CYB561: variants seen among roughly 807,000 people sequenced by gnomAD.
CYB561 encodes transmembrane ascorbate-dependent reductase CYB561.
CYB561 carries 11 observed loss-of-function variants against 25.3 expected under a neutral mutation model. That is an observed-to-expected ratio of 0.44 (90% CI 0.27 to 0.72). CYB561 has a LOEUF of 0.72. Ranked by LOEUF, CYB561 falls within the 30% of genes least tolerant of loss-of-function variation. The pLI, the probability that CYB561 is intolerant of heterozygous loss-of-function variation, is 0.18. For synonymous variants in CYB561, 165 were observed against 158.8 expected (o/e 1.04, Z -0.29); for missense variants, 295 against 334.9 (o/e 0.88, Z 0.93).
rs964620082 is a variant in CYB561 at position 63,433,255 on chromosome 17, T to A, written c.*1147A>T. 1 of 397,312 alleles carries A rather than the reference T, an allele frequency of 2.5e-6. No homozygotes were observed. The highest frequency in any genetic ancestry group is 4.4e-6 in the Non-Finnish European group (1 of 225,326). 24.6% of individuals were successfully genotyped at this position (397,312 alleles called of 1,614,324 possible). On this transcript the variant is annotated 3_prime_UTR_variant, in exon 6 of 6. Transcript: ENST00000360793. Reference sequence around the variant, plus strand: ...TCACTGTGTTTGTTAGTCAGGATGGTCTTGATCTCCTGGCCTCGCACACGA... The same window carrying A: ...TCACTGTGTTTGTTAGTCAGGATGGACTTGATCTCCTGGCCTCGCACACGA...
intron 1 of CYB561, chr17:63,440,342 C>T (rs887731419): frequency 2.5e-6 from 1 of 398,612 alleles, no homozygotes. Flanking sequence ...CAGAAGGCTG[C>T]CCAGGCCGCC....
Position 63,434,329 on chromosome 17 carries a change from T to C in CYB561, c.*73A>G. 1 of 1,366,004 alleles carries C rather than the reference T, an allele frequency of 7.3e-7. No individual in the cohort carries two copies. Among genetic ancestry groups the C allele is most frequent in the Non-Finnish European group, 9.8e-7 (1 of 1,018,496 alleles). The allele number at this position is 1,366,004 out of a possible 1,614,324, so 84.6% of individuals were successfully genotyped here. ...GCTGCCAGAGCCACTCTCCGGAGCCTGCAGTCCTGAAGACGCCTCAGCAGG... is the reference window on the plus strand; with the variant it reads ...GCTGCCAGAGCCACTCTCCGGAGCCCGCAGTCCTGAAGACGCCTCAGCAGG... On this transcript the variant is annotated 3_prime_UTR_variant, in exon 6 of 6. Coordinates refer to ENST00000360793, the MANE Select transcript of CYB561 (RefSeq NM_001915.4).
chr17:63,444,405 G>A (rs2049403940), intron 1 of CYB561, among the ~76,000 whole-genome samples: 1 of 152,210 alleles, frequency 6.6e-6, no homozygotes, highest in South Asian at 2.1e-4. Context: ...CTACCTTATT[G>A]AACACAGAAG....
upstream of CYB561, chr17:63,446,403 C>T (rs979556504): frequency 2.0e-5 from 3 of 151,918 alleles, no homozygotes; most frequent in Non-Finnish European, 4.4e-5. Flanking sequence ...CCGGGGCTGC[C>T]CCGCACGTGC....
Position 63,434,226 on chromosome 17 carries a change from A to G in CYB561, c.*176T>C, listed in dbSNP as rs1044556777. On this transcript the variant is annotated 3_prime_UTR_variant, in exon 6 of 6. Coordinates refer to ENST00000360793, the MANE Select transcript of CYB561 (RefSeq NM_001915.4). ...TGAACTGGTCTATAGCAGCGGAGAA[A>G]GGAGAAGCAGAGGAGGCGGAGACCT... is the stretch of plus-strand genomic sequence containing the variant. 5.0e-6 allele frequency: 3 copies of G among 604,096 alleles called. No individual in the cohort carries two copies. The highest frequency in any genetic ancestry group is 5.8e-6 in the Non-Finnish European group (2 of 343,236). 37.4% of individuals were successfully genotyped at this position (604,096 alleles called of 1,614,324 possible).
In CYB561 at chr17:63,434,569, C is replaced by A; in HGVS notation, c.589G>T (p.Glu197Ter). Reference protein sequence around the residue: ...LGGKYSAFEPEGVLANVLGLL... With the variant: ...LGGKYSAFEP ...CCCAGCACGTTGGCCAGGACACCCT[C>A]GGGCTCAAATGCGCTATACTTGCCC... The change falls in exon 6 of 6, where the codon GAG (glutamate) becomes TAG (stop). Residue 197 changes from glutamate (E) to a stop codon, truncating the protein, a stop_gained. Coordinates refer to ENST00000360793, the MANE Select transcript of CYB561 (RefSeq NM_001915.4). LOFTEE classifies it high-confidence loss of function. 1 of 1,611,788 alleles carries A rather than the reference C, an allele frequency of 6.2e-7. No homozygotes were observed. Among genetic ancestry groups the A allele is most frequent in the Non-Finnish European group, 8.5e-7 (1 of 1,179,936 alleles).
At chr17:63,438,511 G>A (rs1014397837) in intron 1 of CYB561, among the ~76,000 whole-genome samples, 2 of 148,954 alleles carry the variant, frequency 1.3e-5, no homozygotes, top group Non-Finnish European at 3.0e-5. Flanking sequence ...GAGTAGAAGT[G>A]CCCCGACCAT....
At chr17:63,446,366 C>A (rs573940068), upstream of CYB561, 104 of 152,004 alleles carry the variant, frequency 6.8e-4, no homozygotes, top group African/African-American at 2.4e-3. Context: ...GCGGTGTCTC[C>A]GGGACCGGAA....
At position 63,441,588 on chromosome 17, in the gene CYB561, G is replaced by T. The variant is rs2049375938; in HGVS notation, c.-13-4028C>A. Among the ~76,000 whole-genome samples, 3 of 152,198 alleles carry T rather than the reference G, an allele frequency of 2.0e-5. No individual in the cohort carries two copies. The South Asian group carries it at 6.2e-4, about 31-fold the overall frequency. On this transcript the variant is annotated intron_variant, in intron 1 of 5. Transcript: ENST00000360793. ...CAAGTTCAAGCCAGGAGCTAATCTG[G>T]GCCTCCAAGACCCGTCCCAGCATGC...
At position 63,436,171 on chromosome 17, in the gene CYB561, G is replaced by A. The variant is rs915745574; in HGVS notation, c.203-19C>T. 5.6e-6 allele frequency: 9 copies of A among 1,612,364 alleles called. No individual in the cohort carries two copies. The highest frequency in any genetic ancestry group is 6.8e-6 in the Non-Finnish European group (8 of 1,178,734). ...AGCAGGGCTGTGGGAGGTGAGAGAG[G>A]GAACGTGAGTGCATCCGCCTGTGCG... On this transcript the variant is annotated intron_variant, in intron 2 of 5. Coordinates refer to ENST00000360793, the MANE Select transcript of CYB561 (RefSeq NM_001915.4). This position sits in a 1 kb window ranked among gnomAD's most constrained non-coding sequence, Gnocchi z 4.8.
At chr17:63,438,248 G>A in intron 1 of CYB561, 1 of 1,534,666 alleles carries the variant, frequency 6.5e-7, no homozygotes, top group South Asian at 1.2e-5. Flanking sequence ...GCCTTCCCTG[G>A]GTGGGCTTTA....
intron 1 of CYB561, chr17:63,439,111 C>A (rs2049348796): frequency 6.6e-6 from 1 of 152,370 alleles, no homozygotes; most frequent in Non-Finnish European, 1.5e-5. Context: ...CCCCTTCACA[C>A]CCGGCACACG....
At chr17:63,445,534 G>C (rs561746228) in intron 1 of CYB561, among the ~76,000 whole-genome samples, 101 of 150,306 alleles carry the variant, frequency 6.7e-4, no homozygotes, top group African/African-American at 2.4e-3. Context: ...TCTGGGAAGG[G>C]GACCCCAGAT....
At position 63,437,393 on chromosome 17, in the gene CYB561, G is replaced by A; in HGVS notation, c.155C>T (p.Ala52Val). ...GCCTATGACCATGCAGAGGGGGTGC[G>A]CGTTGAACTGCAGGTCGCTCTCCCA... ...IAWESDLQFN[A>V]HPLCMVIGLI... The change falls in exon 2 of 6, where the codon GCG (alanine) becomes GTG (valine). Residue 52 changes from alanine to valine, a missense_variant. Transcript: ENST00000360793. 2.5e-6 allele frequency: 4 copies of A among 1,614,038 alleles called. No homozygotes were observed. Among genetic ancestry groups the A allele is most frequent in the East Asian group, 2.2e-5 (1 of 44,862 alleles).
At chr17:63,444,012 A>AT (rs11324325) in intron 1 of CYB561, among the ~76,000 whole-genome samples, 144 of 148,190 alleles carry the variant, frequency 9.7e-4, no homozygotes, top group South Asian at 1.1e-3. Context: ...ATTTTTATTA[A>AT]TTTTTTTTTT....
At chr17:63,438,259 C>CAGT in intron 1 of CYB561, 3 of 1,529,086 alleles carry the variant, frequency 2.0e-6, no homozygotes, top group Non-Finnish European at 2.6e-6. Context: ...GTGGGCTTTA[C>CAGT]AGGTGAGTTA....
At chr17:63,443,062 G>A (rs186939536) in intron 1 of CYB561, among the ~76,000 whole-genome samples, 46 of 152,312 alleles carry the variant, frequency 3.0e-4, no homozygotes, top group African/African-American at 1.1e-3. Context: ...CGGAAAGGCC[G>A]ATATCTCTTC....
chr17:63,444,244 G>A (rs1486993889), intron 1 of CYB561, among the ~76,000 whole-genome samples: 1 of 152,224 alleles, frequency 6.6e-6, no homozygotes, highest in Non-Finnish European at 1.5e-5. Flanking sequence ...GAAGGCCAGA[G>A]GGCCAACGGC....
In CYB561 at chr17:63,434,095, C is replaced by G. The variant is rs529020517; in HGVS notation, c.*307G>C. On this transcript the variant is annotated 3_prime_UTR_variant, in exon 6 of 6. Coordinates refer to ENST00000360793, the MANE Select transcript of CYB561 (RefSeq NM_001915.4). The stretch of plus-strand genomic sequence containing the variant: ...GCCAGGAGGGTGGGGCCTCCTCTCT[C>G]GCTTCTTTAAAGATCTGTGCTCTGC... 3 of 330,372 alleles carry G rather than the reference C, an allele frequency of 9.1e-6. No individual in the cohort carries two copies. Among genetic ancestry groups the G allele is most frequent in the South Asian group, 2.6e-4 (2 of 7,672 alleles). 20.5% of individuals were successfully genotyped at this position (330,372 alleles called of 1,614,324 possible).
Sources: allele counts gnomAD v4.1 joint callset (sites outside exome capture counted in the v4.1 genomes callset), GRCh38; gene constraint gnomAD v4.1.1; non-coding constraint Gnocchi (gnomAD v3.1); transcripts MANE v1.5; gene names NCBI Gene and HGNC (gene_info 2026-07-23, HGNC 2026-07-21).